Variants in EXOC6B observed in about 807,000 individuals in gnomAD.
The protein encoded by EXOC6B is exocyst complex component 6B, also known as SEC15 homolog B.
Under a neutral mutation model 113.5 loss-of-function variants are expected in EXOC6B, and 54 were observed. The observed-to-expected ratio is 0.48, with a 90% CI of 0.38 to 0.60. EXOC6B has a LOEUF of 0.60. Among genes scored for constraint, EXOC6B ranks in the 20% least tolerant of loss-of-function variants. EXOC6B has a pLI of 0.00. For missense variants in EXOC6B, 797 were observed against 977.5 expected (o/e 0.82, Z 2.46); for synonymous variants, 357 against 339.0 (o/e 1.05, Z -0.58).
At position 72,553,558 on chromosome 2, in the gene EXOC6B, TA is replaced by T. The variant is rs779215920; in HGVS notation, c.915+5894del. 1.3e-4 allele frequency among the ~76,000 whole-genome samples: 20 copies of T among 152,040 alleles called. No homozygotes were observed. The East Asian group carries it at 2.9e-3, about 22-fold the overall frequency. On this transcript the variant is annotated intron_variant, in intron 8 of 21. Coordinates refer to ENST00000272427, the MANE Select transcript of EXOC6B (RefSeq NM_015189.3). Reference sequence around the variant, plus strand: ...ATCTATATTTTGATATATTATAAAATATAACAAAAAATGAGCTCAGAAACAG... The same window carrying T: ...ATCTATATTTTGATATATTATAAAATTAACAAAAAATGAGCTCAGAAACAG...
intron 18 of EXOC6B, among the ~76,000 whole-genome samples, chr2:72,461,262 G>T (rs192534980): frequency 1.5e-4 from 23 of 149,492 alleles, no homozygotes; most frequent in African/African-American, 4.9e-4. Flanking sequence ...AATGCTAAAT[G>T]ACGAGTTAAT....
At chr2:72,536,454 T>A (rs1444168004) in intron 8 of EXOC6B, among the ~76,000 whole-genome samples, 1 of 152,210 alleles carries the variant, frequency 6.6e-6, no homozygotes, top group Non-Finnish European at 1.5e-5. Context: ...GCATATTGCA[T>A]TCAATCATAT....
In EXOC6B at chr2:72,575,670, T is replaced by C. The variant is rs374381770; in HGVS notation, c.670-2A>G. The C allele has an allele frequency of 4.4e-6, 7 of 1,590,348 alleles. No homozygotes were observed. In the African/African-American group the frequency reaches 9.6e-5, roughly 22 times the overall value. ...ATCCAGGTTTCTTTGCTGCTGGGCC[T>C]AGGATAGAGAAGAACACACACAAAC... is the stretch of plus-strand genomic sequence containing the variant. On this transcript the variant is annotated splice_acceptor_variant, in intron 6 of 21. Transcript: ENST00000272427. LOFTEE classifies it high-confidence loss of function.
chr2:72,396,981 A>T (rs1692768093), intron 18 of EXOC6B, among the ~76,000 whole-genome samples: 1 of 152,152 alleles, frequency 6.6e-6, no homozygotes, highest in Non-Finnish European at 1.5e-5. Context: ...ACTGAAAAAA[A>T]AAAAAACATA....
intron 6 of EXOC6B, among the ~76,000 whole-genome samples, chr2:72,698,090 A>T (rs1293765882): frequency 6.6e-6 from 1 of 152,132 alleles, no homozygotes; most frequent in African/African-American, 2.4e-5. Flanking sequence ...CAGCCAATGA[A>T]AGGAGAACCT....
At chr2:72,340,383 C>T (rs1180941137) in intron 19 of EXOC6B, among the ~76,000 whole-genome samples, 1 of 151,966 alleles carries the variant, frequency 6.6e-6, no homozygotes, top group African/African-American at 2.4e-5. Flanking sequence ...GGAAGATGAA[C>T]AAGGAAAAAT....
At chr2:72,605,748 G>C (rs1370957867) in intron 6 of EXOC6B, among the ~76,000 whole-genome samples, 6 of 152,044 alleles carry the variant, frequency 3.9e-5, no homozygotes, top group African/African-American at 1.2e-4. Context: ...ATTTCTTCTT[G>C]AAATCCCTAT....
At chr2:72,375,686 C>T (rs1250093093) in intron 19 of EXOC6B, among the ~76,000 whole-genome samples, 4 of 151,810 alleles carry the variant, frequency 2.6e-5, no homozygotes, top group Non-Finnish European at 5.9e-5. Context: ...ATTTCTAATA[C>T]TAAAATGCTC....
At chr2:72,180,915 T>C (rs1322057060) in intron 21 of EXOC6B, among the ~76,000 whole-genome samples, 2 of 152,118 alleles carry the variant, frequency 1.3e-5, no homozygotes, top group Non-Finnish European at 2.9e-5. Context: ...ACAAACTAAT[T>C]AAGAATTCTT....
intron 18 of EXOC6B, among the ~76,000 whole-genome samples, chr2:72,428,136 A>T (rs905775228): frequency 5.9e-5 from 9 of 152,148 alleles, no homozygotes; most frequent in Non-Finnish European, 1.2e-4. Context: ...GTCACCCATC[A>T]CTTGTCTGTG....
At chr2:72,363,719 AC>A (rs1296554686) in intron 19 of EXOC6B, among the ~76,000 whole-genome samples, 2 of 151,906 alleles carry the variant, frequency 1.3e-5, no homozygotes, top group African/African-American at 2.4e-5. Context: ...TTTGATCCAA[AC>A]CCTCTCATCT....
At position 72,480,717 on chromosome 2, in the gene EXOC6B, C is replaced by T. The variant is rs1699031890; in HGVS notation, c.1699G>A (p.Glu567Lys). ...TCTTCCAAGTACTTACAGGATTTCT[C>T]CAAATGTGTTGTATTGATAATAATC... ...VQIIINTTHL[E>K]KSCKYLEEFI... Residue 567 changes from glutamate to lysine, a missense_variant, in exon 17 of 22, where the codon GAG becomes AAG. Transcript: ENST00000272427. The T allele has an allele frequency of 1.1e-5, 17 of 1,599,086 alleles. No homozygotes were observed. The highest frequency in any genetic ancestry group is 1.5e-5 in the Non-Finnish European group (17 of 1,171,914).
At chr2:72,699,577 CT>C (rs1678155319) in intron 6 of EXOC6B, among the ~76,000 whole-genome samples, 1 of 151,772 alleles carries the variant, frequency 6.6e-6, no homozygotes, top group Admixed American at 6.6e-5. Flanking sequence ...GTTTAGTAGA[CT>C]AAGAAAAGCT....
chr2:72,539,438 A>T (rs1198996809), intron 8 of EXOC6B, among the ~76,000 whole-genome samples: 2 of 152,144 alleles, frequency 1.3e-5, no homozygotes, highest in Non-Finnish European at 2.9e-5. Context: ...ATTTGACCTA[A>T]ACTGTGCTGA....
In EXOC6B at chr2:72,529,749, C is replaced by T. The variant is rs562248991; in HGVS notation, c.916-14623G>A. Among the ~76,000 whole-genome samples, 8 of 152,266 alleles carry T rather than the reference C, an allele frequency of 5.3e-5. No homozygotes were observed. In the South Asian group the frequency reaches 1.0e-3, roughly 20 times the overall value. ...AAGTTCTGGGATTATAGTTGTGAGC[C>T]ACTGTGCCCAGTCCTAGAGGGAAGT... On this transcript the variant is annotated intron_variant, in intron 8 of 21. Coordinates refer to ENST00000272427, the MANE Select transcript of EXOC6B (RefSeq NM_015189.3).
At chr2:72,305,372 G>A (rs1046903985) in intron 20 of EXOC6B, among the ~76,000 whole-genome samples, 18 of 151,990 alleles carry the variant, frequency 1.2e-4, no homozygotes, top group Admixed American at 9.9e-4. Context: ...ATATGTATAT[G>A]TGTATGTATA....
intron 20 of EXOC6B, among the ~76,000 whole-genome samples, chr2:72,185,740 C>CTTTTT (rs60868469): frequency 7.0e-6 from 1 of 143,818 alleles, no homozygotes. Flanking sequence ...GTATTTCTTT[C>CTTTTT]TTTTTTTTTT....
At chr2:72,444,380 G>T (rs1041735145) in intron 18 of EXOC6B, among the ~76,000 whole-genome samples, 1 of 152,194 alleles carries the variant, frequency 6.6e-6, no homozygotes, top group Non-Finnish European at 1.5e-5. Flanking sequence ...CAGCTGCACA[G>T]TGCAAGCTAT....
intron 1 of EXOC6B, among the ~76,000 whole-genome samples, chr2:72,801,097 A>G (rs1346131276): frequency 6.6e-6 from 1 of 152,226 alleles, no homozygotes; most frequent in Non-Finnish European, 1.5e-5. Context: ...ACAAAAGTTC[A>G]GTTCAGATAT....
Sources: allele counts gnomAD v4.1 joint callset (sites outside exome capture counted in the v4.1 genomes callset), GRCh38; gene constraint gnomAD v4.1.1; transcripts MANE v1.5; gene names NCBI Gene and HGNC (gene_info 2026-07-23, HGNC 2026-07-21).